Variants in SLC17A9 observed in about 807,000 individuals in gnomAD.
SLC17A9 encodes solute carrier family 17 member 9.
SLC17A9 carries 49 observed loss-of-function variants against 55.0 expected under a neutral mutation model. That is an observed-to-expected ratio of 0.89 (90% CI 0.71 to 1.13). SLC17A9 has a LOEUF of 1.13. SLC17A9 is among the 50% of genes most tolerant of loss of function. SLC17A9 has a pLI of 0.00. For missense variants in SLC17A9, 526 were observed against 569.3 expected (o/e 0.92, Z 0.77); for synonymous variants, 256 against 247.4 (o/e 1.03, Z -0.32).
At chr20:62,956,389 G>C (rs2065537089) in intron 1 of SLC17A9, among the ~76,000 whole-genome samples, 1 of 152,150 alleles carries the variant, frequency 6.6e-6, no homozygotes, top group African/African-American at 2.4e-5. Context: ...GGAAGGGTGG[G>C]GTGAGACTCT....
rs376311249 is a variant in SLC17A9 at position 62,962,726 on chromosome 20, C to T, written c.600C>T (p.Tyr200=). The stretch of plus-strand genomic sequence containing the variant: ...GCCTCACCTTGCTTTGGGTGTGGTA[C>T]GTGTACAGGTACCTGCTGAGTGAAA... ...SGGLTLLWVW[Y]VYRYLLSEKD... The change falls in exon 5 of 13, where the codon TAC becomes TAT. Residue 200 remains tyrosine (Y), a synonymous_variant. Transcript: ENST00000370351. This position sits in a 1 kb window ranked among gnomAD's most constrained non-coding sequence, Gnocchi z 5.5. The T allele has an allele frequency of 2.4e-5, 38 of 1,613,842 alleles. No homozygotes were observed. Among genetic ancestry groups the T allele is most frequent in the Admixed American group, 2.3e-4 (14 of 59,996 alleles).
chr20:62,965,094 G>C, intron 8 of SLC17A9, 38 bp from the exon 9 acceptor site: 1 of 1,613,796 alleles, frequency 6.2e-7, no homozygotes, highest in Non-Finnish European at 8.5e-7. Context: ...CAGCACGAAA[G>C]GGCTAACGGG....
Position 62,957,450 on chromosome 20 carries a change from T to C in SLC17A9, c.267T>C (p.Gly89=). Residue 89 remains glycine, a synonymous_variant, in exon 3 of 13, where the codon GGT becomes GGC. Coordinates refer to ENST00000370351, the MANE Select transcript of SLC17A9 (RefSeq NM_022082.4). The part of the protein sequence containing the change: ...VGGHLGDRIG[G]EKVILLSASA... ...TCTGTCTTCCCTCCAGGATTGGGGG[T>C]GAGAAGGTCATCCTGCTGTCAGCCT... The C allele has an allele frequency of 6.3e-7, 1 of 1,588,802 alleles. No homozygotes were observed. Among genetic ancestry groups the C allele is most frequent in the Non-Finnish European group, 8.6e-7 (1 of 1,168,602 alleles).
rs749544143 is a variant in SLC17A9, at chr20:62,962,937, C to G, written c.628+183C>G. 1.2e-6 allele frequency: 1 copy of G among 853,992 alleles called. No individual in the cohort carries two copies. Among genetic ancestry groups the G allele is most frequent in the African/African-American group, 1.7e-5 (1 of 58,592 alleles). 52.9% of individuals were successfully genotyped at this position (853,992 alleles called of 1,614,324 possible). On this transcript the variant is annotated intron_variant, in intron 5 of 12. Transcript: ENST00000370351. This position sits in a 1 kb window ranked among gnomAD's most constrained non-coding sequence, Gnocchi z 5.5. ...CTGTCAGCGGCTCCGCCACCCAATT[C>G]GATCTGGAAGGTTCCATCTAGGGCT...
At chr20:62,959,299 C>T (rs970009568) in intron 3 of SLC17A9, among the ~76,000 whole-genome samples, 1 of 152,228 alleles carries the variant, frequency 6.6e-6, no homozygotes, top group African/African-American at 2.4e-5. Context: ...GGCTCGCTGC[C>T]GCTCCAGCTG....
At chr20:62,957,096 A>T (rs1165489967) in intron 2 of SLC17A9, 134 bp downstream of exon 2, 3 of 1,334,980 alleles carry the variant, frequency 2.2e-6, no homozygotes, top group Non-Finnish European at 2.0e-6. Flanking sequence ...GACACAGAGG[A>T]TGCGACTCCT....
chr20:62,955,398 A>G (rs1288810413), intron 1 of SLC17A9, among the ~76,000 whole-genome samples: 1 of 152,054 alleles, frequency 6.6e-6, no homozygotes, highest in Non-Finnish European at 1.5e-5. Flanking sequence ...CTCCCGCCTC[A>G]GCCTCCCCAA....
rs755635858 is a variant in SLC17A9 at position 62,960,596 on chromosome 20, C to G, written c.490C>G (p.Gln164Glu). ...CTACAGCATCGTGGGCGCCGGCTCC[C>G]AGTTTGGGTAAGTCCTGGCCTAAGA... ...FTYSIVGAGS[Q>E]FGTLLTGAVG... Residue 164 changes from glutamine (Q) to glutamate (E), a missense_variant, in exon 4 of 13, where the codon CAG becomes GAG. Gln to Glu is a conservative substitution (Grantham distance 29). Transcript: ENST00000370351. 1 of 1,611,780 alleles carries G rather than the reference C, an allele frequency of 6.2e-7. No homozygotes were observed. The highest frequency in any genetic ancestry group is 1.1e-5 in the South Asian group (1 of 90,544).
chr20:62,962,743 T>A lies in SLC17A9; in HGVS notation c.617T>A (p.Leu206Gln), dbSNP rs764956300. ...GTGTGGTACGTGTACAGGTACCTGCTGAGTGAAAAAGGTAACGCAGGCCGG... is the reference window on the plus strand; with the variant it reads ...GTGTGGTACGTGTACAGGTACCTGCAGAGTGAAAAAGGTAACGCAGGCCGG... ...LWVWYVYRYLLSEKDLILALG... is the reference protein window; with the variant it reads ...LWVWYVYRYLQSEKDLILALG... The change falls in exon 5 of 13, where the codon CTG becomes CAG. Residue 206 changes from leucine to glutamine, a missense_variant. Physicochemically the swap from Leu to Gln is moderately radical, Grantham distance 113. Coordinates refer to ENST00000370351, the MANE Select transcript of SLC17A9 (RefSeq NM_022082.4). The surrounding 1 kb of genome is among the most constrained non-coding windows in gnomAD (Gnocchi z 5.5). 1.9e-6 allele frequency: 3 copies of A among 1,613,748 alleles called. No homozygotes were observed. The highest frequency in any genetic ancestry group is 1.7e-6 in the Non-Finnish European group (2 of 1,179,790).
chr20:62,964,944 T>C, intron 8 of SLC17A9, 188 bp from the exon 9 acceptor site: 2 of 618,962 alleles, frequency 3.2e-6, no homozygotes, highest in South Asian at 4.1e-5. Flanking sequence ...AAGGCGCACA[T>C]GCGGCCTCGC....
chr20:62,955,462 G>GT (rs200680242), intron 1 of SLC17A9, among the ~76,000 whole-genome samples: 76 of 151,610 alleles, frequency 5.0e-4, no homozygotes, highest in Non-Finnish European at 6.6e-4. Context: ...AATTTTTAAA[G>GT]TTTTTTTTTG....
At chr20:62,956,634 G>A in intron 1 of SLC17A9, 131 bp from the exon 2 acceptor site, 2 of 800,220 alleles carry the variant, frequency 2.5e-6, no homozygotes, top group Non-Finnish European at 3.9e-6. Context: ...TGCTTGCCAA[G>A]TTGCCCTCCA....
chr20:62,960,373 T>C (rs2065578912), intron 3 of SLC17A9, 131 bp from the exon 4 acceptor site: 1 of 789,284 alleles, frequency 1.3e-6, no homozygotes, highest in Non-Finnish European at 2.1e-6. Context: ...GCCCTGCTGG[T>C]CCCTCGGGTG....
intron 5 of SLC17A9, 150 bp from the exon 6 acceptor site, chr20:62,963,123 A>C: frequency 1.3e-6 from 1 of 772,634 alleles, no homozygotes; most frequent in Non-Finnish European, 2.1e-6. Context: ...CTGGTAGGGG[A>C]GGCCAAGGGA....
At chr20:62,964,453 C>G in intron 8 of SLC17A9, 138 bp downstream of exon 8, 3 of 865,738 alleles carry the variant, frequency 3.5e-6, no homozygotes, top group East Asian at 2.4e-5. Flanking sequence ...TTTCCAGGCT[C>G]GGCCTCCTCC....
At chr20:62,953,171 G>A (rs2065505850) in intron 1 of SLC17A9, 1 of 1,543,202 alleles carries the variant, frequency 6.5e-7, no homozygotes, top group Middle Eastern at 1.7e-4. Flanking sequence ...CCAGGCCAGG[G>A]GCATTGTCCT....
intron 8 of SLC17A9, 41 bp downstream of exon 8, chr20:62,964,356 T>G: frequency 6.3e-7 from 1 of 1,599,298 alleles, no homozygotes; most frequent in Non-Finnish European, 8.6e-7. Context: ...AGCCACACCC[T>G]GGTTCACCTC....
rs2065665497 is a variant in SLC17A9, at chr20:62,969,483, T to TGTA, written c.*1984_*1985insTAG. 6.6e-6 allele frequency: 1 copy of TGTA among 152,194 alleles called. No homozygotes were observed. Among genetic ancestry groups the TGTA allele is most frequent in the African/African-American group, 2.4e-5 (1 of 41,446 alleles). The allele number at this position is 152,194 out of a possible 1,614,324, so 9.4% of individuals were successfully genotyped here. A position where few individuals can be genotyped will look rare whatever the true frequency, so the allele number is the denominator to read the frequency against. On this transcript the variant is annotated 3_prime_UTR_variant, in exon 13 of 13. Transcript: ENST00000370351. ...GGCGCACGCTGGGTTTGCCTACGTC[T>TGTA]GGCTTACTTCACTCAGCAGAGTGTC...
intron 2 of SLC17A9, 31 bp downstream of exon 2, chr20:62,956,993 G>A (rs763794543): frequency 6.2e-7 from 1 of 1,612,062 alleles, no homozygotes; most frequent in Non-Finnish European, 8.5e-7. Flanking sequence ...TCTCCTGGCT[G>A]GTGGGGGCCG....
Sources: gnomAD v4.1 joint callset for allele counts (sites outside exome capture counted in the v4.1 genomes callset) on GRCh38, gnomAD v4.1.1 for gene constraint, Gnocchi (gnomAD v3.1) non-coding constraint, MANE v1.5 for transcripts, NCBI Gene and HGNC (gene_info 2026-07-23, HGNC 2026-07-21) for gene names.